SERPINB12: variants seen among roughly 807,000 people sequenced by gnomAD.
The protein encoded by SERPINB12 is serpin B12.
Under a neutral mutation model 41.1 loss-of-function variants are expected in SERPINB12, and 57 were observed. That is an observed-to-expected ratio of 1.39 (90% CI 1.12 to 1.73). SERPINB12 has a LOEUF of 1.73. SERPINB12 is among the 40% of genes most tolerant of loss of function. The pLI is 0.00. For synonymous variants in SERPINB12, 180 were observed against 181.3 expected, an observed-to-expected ratio of 0.99 and a Z score of 0.06; for missense variants, 536 against 501.9, an observed-to-expected ratio of 1.07 and a Z score of -0.65.
chr18:63,530,628 A>T, the SERPINB12 span, among the ~76,000 whole-genome samples: 6,027 of 152,272 alleles, frequency 0.04, 194 homozygotes, highest in Non-Finnish European at 0.061. Flanking sequence ...AGTTGCCTCA[A>T]TGCCCGATGT....
rs1910869544 is a variant in SERPINB12, at chr18:63,560,561, T to A, written c.445-524T>A. ...GGGTTTGGTATATTACATTACTGAT[T>A]TTTTAAAATTATAGTAAAATACATA... On this transcript the variant is annotated intron_variant, in intron 4 of 7. Coordinates refer to ENST00000382768, the MANE Select transcript of SERPINB12 (RefSeq NM_001307928.2). Among the ~76,000 whole-genome samples, 3 of 152,366 alleles carry A rather than the reference T, an allele frequency of 2.0e-5. No individual in the cohort carries two copies. The South Asian group carries it at 6.2e-4, about 32-fold the overall frequency.
Position 63,567,713 on chromosome 18 carries a change from G to A in SERPINB12, c.*702G>A, listed in dbSNP as rs935909388. On this transcript the variant is annotated 3_prime_UTR_variant, in exon 8 of 8. Transcript: ENST00000382768. ...AGGAAAGTGGCTAGTGGATTTAGAG[G>A]AGGTTTATCTCAGTTTTCCTTATTG... Among the ~76,000 whole-genome samples the A allele has an allele frequency of 1.3e-5, 2 of 152,184 alleles. No individual in the cohort carries two copies. Among genetic ancestry groups the A allele is most frequent in the Non-Finnish European group, 2.9e-5 (2 of 68,034 alleles).
At chr18:63,562,900 A>T (rs1033538442) in intron 5 of SERPINB12, among the ~76,000 whole-genome samples, 4 of 152,188 alleles carry the variant, frequency 2.6e-5, no homozygotes, top group Non-Finnish European at 2.9e-5. Context: ...GTGATTTGGT[A>T]GTTTGAGTAG....
chr18:63,532,549 A>C, the SERPINB12 span, among the ~76,000 whole-genome samples: 1 of 152,144 alleles, frequency 6.6e-6, no homozygotes, highest in Non-Finnish European at 1.5e-5. Context: ...CTATAGGAGC[A>C]GTGGGGATTT....
At chr18:63,543,660 T>C (rs1404947009) in intron 1 of SERPINB12, among the ~76,000 whole-genome samples, 2 of 152,028 alleles carry the variant, frequency 1.3e-5, no homozygotes, top group Non-Finnish European at 2.9e-5. Flanking sequence ...AGTGGCGTGA[T>C]CTTGGCTTAC....
rs201284137 is a variant in SERPINB12 at position 63,565,482 on chromosome 18, G to A, written c.743G>A (p.Gly248Asp). ...NKSVKMMTQK[G>D]LYRIGFIEEV... ...AGTGTGAAGATGATGACGCAAAAAG[G>A]CCTCTACAGAATTGGCTTCATAGAG... Residue 248 changes from glycine (G) to aspartate (D), a missense_variant, in exon 7 of 8, where the codon GGC becomes GAC. Gly to Asp is a moderately conservative substitution (Grantham distance 94). Coordinates refer to ENST00000382768, the MANE Select transcript of SERPINB12 (RefSeq NM_001307928.2). The A allele has an allele frequency of 4.3e-6, 7 of 1,613,882 alleles. No homozygotes were observed. Among genetic ancestry groups the A allele is most frequent in the South Asian group, 2.2e-5 (2 of 91,018 alleles).
chr18:63,562,138 A>G (rs1212167539), intron 5 of SERPINB12, among the ~76,000 whole-genome samples: 1 of 152,180 alleles, frequency 6.6e-6, no homozygotes, highest in Non-Finnish European at 1.5e-5. Flanking sequence ...TGGGCGGGAA[A>G]GGAGGACACC....
upstream of SERPINB12, among the ~76,000 whole-genome samples, chr18:63,540,070 T>G (rs1004249536): frequency 6.6e-6 from 1 of 152,162 alleles, no homozygotes; most frequent in Non-Finnish European, 1.5e-5. Flanking sequence ...CTGTTTCCAC[T>G]CCATGGTGAG....
At position 63,567,640 on chromosome 18, in the gene SERPINB12, G is replaced by A. The variant is rs550060616; in HGVS notation, c.*629G>A. On this transcript the variant is annotated 3_prime_UTR_variant, in exon 8 of 8. Transcript: ENST00000382768. Reference sequence around the variant, plus strand: ...GACTGCCCCAACCAGCACTCATTTTGCACAGAGCAGGGGAATGATATTTGT... The same window carrying A: ...GACTGCCCCAACCAGCACTCATTTTACACAGAGCAGGGGAATGATATTTGT... Among the ~76,000 whole-genome samples the A allele has an allele frequency of 6.6e-5, 10 of 152,330 alleles. No homozygotes were observed. Among genetic ancestry groups the A allele is most frequent in the African/African-American group, 2.4e-4 (10 of 41,584 alleles).
At chr18:63,541,037 C>G (rs917730925), upstream of SERPINB12, among the ~76,000 whole-genome samples, 2 of 152,120 alleles carry the variant, frequency 1.3e-5, no homozygotes, top group Non-Finnish European at 2.9e-5. Flanking sequence ...AACATTTTCT[C>G]AAATGACATG....
At chr18:63,519,261 G>A in the SERPINB12 span, among the ~76,000 whole-genome samples, 17 of 152,144 alleles carry the variant, frequency 1.1e-4, no homozygotes, top group South Asian at 4.1e-4. Context: ...GGGAGACAGG[G>A]ACCACCCTAG....
chr18:63,558,429 G>T lies in SERPINB12; in HGVS notation c.246G>T (p.Val82=), dbSNP rs1910753741. ...DPCLKSNKQK[V]LADSSLEGQK... ...GTCTGAAAAGCAACAAACAAAAAGTGCTGGCTGACAGCTCTCTGGAGGGGC... is the reference window on the plus strand; with the variant it reads ...GTCTGAAAAGCAACAAACAAAAAGTTCTGGCTGACAGCTCTCTGGAGGGGC... Residue 82 remains valine (V), a synonymous_variant, in exon 3 of 8, where the codon GTG becomes GTT. Coordinates refer to ENST00000382768, the MANE Select transcript of SERPINB12 (RefSeq NM_001307928.2). The T allele has an allele frequency of 4.3e-6, 7 of 1,613,864 alleles. 1 individual carries two copies. Among genetic ancestry groups the T allele is most frequent in the Middle Eastern group, 3.3e-4 (2 of 6,060 alleles).
At chr18:63,519,880 C>A in the SERPINB12 span, among the ~76,000 whole-genome samples, 1 of 152,160 alleles carries the variant, frequency 6.6e-6, no homozygotes, top group East Asian at 1.9e-4. Context: ...TTGAAATAAG[C>A]ATCACGGGTG....
chr18:63,561,219 G>T lies in SERPINB12; in HGVS notation c.562+17G>T. The stretch of plus-strand genomic sequence containing the variant: ...AATCCCAAGGTAAGAAAGCCCAAAA[G>T]CACGGGAGCTGGTATTGGTTTCCAT... On this transcript the variant is annotated intron_variant, in intron 5 of 7. Coordinates refer to ENST00000382768, the MANE Select transcript of SERPINB12 (RefSeq NM_001307928.2). 6.9e-7 allele frequency: 1 copy of T among 1,453,758 alleles called. No individual in the cohort carries two copies. The highest frequency in any genetic ancestry group is 1.1e-5 in the South Asian group (1 of 87,108). The allele number at this position is 1,453,758 out of a possible 1,614,324, so 90.1% of individuals were successfully genotyped here. A position where few individuals can be genotyped will look rare whatever the true frequency, so the allele number is the denominator to read the frequency against.
In SERPINB12 at chr18:63,565,564, C is replaced by T. The variant is rs143516663; in HGVS notation, c.825C>T (p.Phe275=). The change falls in exon 7 of 8, where the codon TTC becomes TTT. Residue 275 remains phenylalanine (F), a synonymous_variant. Coordinates refer to ENST00000382768, the MANE Select transcript of SERPINB12 (RefSeq NM_001307928.2). ...MRYTKGKLSM[F]VLLPSHSKDN... ...ACACCAAGGGGAAGCTCAGCATGTT[C>T]GTGCTGCTGCCATCTCACTCTAAAG... 2.3e-5 allele frequency: 37 copies of T among 1,613,934 alleles called. No individual in the cohort carries two copies. In the African/African-American group the frequency reaches 2.4e-4, roughly 10 times the overall value.
chr18:63,537,367 A>T, the SERPINB12 span, among the ~76,000 whole-genome samples: 1,200 of 152,298 alleles, frequency 7.9e-3, 10 homozygotes, highest in South Asian at 0.031. Context: ...CACCTTGTGC[A>T]TTGGGTTTTC....
At chr18:63,543,824 C>T (rs940238203) in intron 1 of SERPINB12, among the ~76,000 whole-genome samples, 1 of 152,090 alleles carries the variant, frequency 6.6e-6, no homozygotes, top group African/African-American at 2.4e-5. Context: ...GCCATGTTGG[C>T]CAGGCTGGTC....
At chr18:63,551,949 T>G (rs1355421033) in intron 1 of SERPINB12, among the ~76,000 whole-genome samples, 1 of 152,220 alleles carries the variant, frequency 6.6e-6, no homozygotes, top group African/African-American at 2.4e-5. Context: ...GAGACAAGTG[T>G]TGCCAGGGAA....
At chr18:63,543,394 G>A (rs1479392798) in intron 1 of SERPINB12, among the ~76,000 whole-genome samples, 1 of 152,052 alleles carries the variant, frequency 6.6e-6, no homozygotes, top group Admixed American at 6.6e-5. Context: ...GAGTGATAAT[G>A]TAGAGATAAT....
Sources: gnomAD v4.1 joint callset for allele counts (sites outside exome capture counted in the v4.1 genomes callset) on GRCh38, gnomAD v4.1.1 for gene constraint, MANE v1.5 for transcripts, NCBI Gene and HGNC (gene_info 2026-07-23, HGNC 2026-07-21) for gene names.